The following ZNRF3 variants were observed in gnomAD, a reference collection of about 807,000 sequenced individuals.
The protein encoded by ZNRF3 is zinc and ring finger 3.
Under a neutral mutation model 72.5 loss-of-function variants are expected in ZNRF3, and 23 were observed. The ratio of observed to expected loss-of-function variants is 0.32; its 90% confidence interval spans 0.23 to 0.45. ZNRF3 has a LOEUF of 0.45. ZNRF3 is among the 20% of genes least tolerant of loss of function. The pLI is 1.00. For synonymous variants in ZNRF3, 610 were observed against 545.3 expected (o/e 1.12, Z -1.65); for missense variants, 1,169 against 1,272.1 (o/e 0.92, Z 1.23).
intron 1 of ZNRF3, among the ~76,000 whole-genome samples, chr22:28,918,202 C>T (rs77825078): frequency 3.3e-5 from 5 of 152,184 alleles, no homozygotes; most frequent in African/African-American, 1.2e-4. Context: ...GCCAGCCCAG[C>T]GGCCCTTTTA....
chr22:29,042,266 G>A (rs2036977429), intron 2 of ZNRF3, among the ~76,000 whole-genome samples: 1 of 152,192 alleles, frequency 6.6e-6, no homozygotes, highest in African/African-American at 2.4e-5. Context: ...TGTTGGGAAT[G>A]TCCTTCTCCT....
At chr22:29,051,905 G>GC (rs2037214413) in intron 8 of ZNRF3, among the ~76,000 whole-genome samples, 2 of 149,932 alleles carry the variant, frequency 1.3e-5, no homozygotes, top group African/African-American at 4.9e-5. Flanking sequence ...AAAAACCTAG[G>GC]CCCCATCCCT....
At chr22:28,958,643 GGA>G (rs1253617670) in intron 1 of ZNRF3, among the ~76,000 whole-genome samples, 1 of 152,124 alleles carries the variant, frequency 6.6e-6, no homozygotes, top group Non-Finnish European at 1.5e-5. Context: ...TGCCACTGAC[GGA>G]GAGAGGGTAT....
intron 1 of ZNRF3, among the ~76,000 whole-genome samples, chr22:28,959,754 G>A (rs912293615): frequency 2.0e-5 from 3 of 152,220 alleles, no homozygotes; most frequent in African/African-American, 7.2e-5. Context: ...TCAAGAGGGT[G>A]GGACCTTCAC....
At position 28,989,884 on chromosome 22, in the gene ZNRF3, A is replaced by G. The variant is rs2035924991; in HGVS notation, c.426+2683A>G. On this transcript the variant is annotated intron_variant, in intron 2 of 8. Transcript: ENST00000544604. The stretch of plus-strand genomic sequence containing the variant: ...ATTAAAACACGTAAATGCCTCTCCA[A>G]GAGTTCAAATAAAATTTCATTTTAA... Among the ~76,000 whole-genome samples the G allele has an allele frequency of 2.6e-5, 4 of 152,376 alleles. No individual in the cohort carries two copies. In the South Asian group the frequency reaches 6.2e-4, roughly 24 times the overall value.
chr22:28,909,071 G>T (rs132540), intron 1 of ZNRF3, among the ~76,000 whole-genome samples: 135,524 of 151,438 alleles, frequency 0.89, 61,634 homozygotes, highest in Non-Finnish European at 0.97. Flanking sequence ...AATTTTTTTT[G>T]TGTGTGTGTA....
At chr22:28,918,537 CGTGTGT>C (rs56876101) in intron 1 of ZNRF3, among the ~76,000 whole-genome samples, 73,616 of 148,668 alleles carry the variant, frequency 0.5, 19,562 homozygotes, top group Non-Finnish European at 0.6. Flanking sequence ...TGCATGTGTG[CGTGTGT>C]GTGTGTGTGT....
rs1206858964 is a variant in ZNRF3, at chr22:29,016,023, A to C, written c.427-26472A>C. ...AAGAGTGAAACTGTCTCAAAAAAAA[A>C]AAAAAACAAAAAAACTGAAACTGGC... On this transcript the variant is annotated intron_variant, in intron 2 of 8. Coordinates refer to ENST00000544604, the MANE Select transcript of ZNRF3 (RefSeq NM_001206998.2). 2.1e-5 allele frequency among the ~76,000 whole-genome samples: 3 copies of C among 142,992 alleles called. 1 individual carries two copies. The highest frequency in any genetic ancestry group is 2.0e-4 in the Admixed American group (3 of 14,694). 93.8% of individuals were successfully genotyped at this position (142,992 alleles called of 152,430 possible).
intron 1 of ZNRF3, among the ~76,000 whole-genome samples, chr22:28,960,592 A>G (rs1372840898): frequency 3.9e-5 from 6 of 152,236 alleles, no homozygotes; most frequent in Non-Finnish European, 8.8e-5. Flanking sequence ...CTCTTGGGTC[A>G]TATTGATAGG....
At chr22:28,943,198 T>TC (rs2034980458) in intron 1 of ZNRF3, among the ~76,000 whole-genome samples, 1 of 151,734 alleles carries the variant, frequency 6.6e-6, no homozygotes, top group Non-Finnish European at 1.5e-5. Context: ...CTGTCTCCCC[T>TC]CCCCCGGGGG....
At position 29,053,793 on chromosome 22, in the gene ZNRF3, C is replaced by T. The variant is rs1046231585; in HGVS notation, c.*171C>T. ...ATGTGAGCCCCCTGTGGCAAAACCACCCCCTACCCCATTAACAAATCAACA... is the reference window on the plus strand; with the variant it reads ...ATGTGAGCCCCCTGTGGCAAAACCATCCCCTACCCCATTAACAAATCAACA... On this transcript the variant is annotated 3_prime_UTR_variant, in exon 9 of 9. Transcript: ENST00000544604. 26 of 567,920 alleles carry T rather than the reference C, an allele frequency of 4.6e-5. No homozygotes were observed. The highest frequency in any genetic ancestry group is 1.0e-4 in the Admixed American group (3 of 29,640). 35.2% of individuals were successfully genotyped at this position (567,920 alleles called of 1,614,324 possible).
chr22:29,035,351 C>T (rs764219289), intron 2 of ZNRF3, among the ~76,000 whole-genome samples: 6 of 152,174 alleles, frequency 3.9e-5, no homozygotes, highest in Non-Finnish European at 8.8e-5. Flanking sequence ...GAATACAGCA[C>T]TGTTTATAAC....
chr22:29,051,961 C>G (rs1335151580), intron 8 of ZNRF3, among the ~76,000 whole-genome samples: 5 of 152,022 alleles, frequency 3.3e-5, no homozygotes, highest in Non-Finnish European at 5.9e-5. Flanking sequence ...GCTTCTCAAC[C>G]CGCCTGTGAA....
chr22:29,020,776 G>GTGTGT lies in ZNRF3; in HGVS notation c.427-21719_427-21718insTGTGT, dbSNP rs1569284219. The stretch of plus-strand genomic sequence containing the variant: ...GGGGCTTTGTTTTTGTGTGTGTGTG[G>GTGTGT]GTGTGTGTGTGTGTGTGTGTGTGTG... On this transcript the variant is annotated intron_variant, in intron 2 of 8. Coordinates refer to ENST00000544604, the MANE Select transcript of ZNRF3 (RefSeq NM_001206998.2). Among the ~76,000 whole-genome samples the GTGTGT allele has an allele frequency of 1.3e-3, 108 of 86,154 alleles. 1 individual carries two copies. The highest frequency in any genetic ancestry group is 3.0e-3 in the African/African-American group (97 of 32,624). The allele number at this position is 86,154 out of a possible 152,430, so 56.5% of individuals were successfully genotyped here. A position where few individuals can be genotyped will look rare whatever the true frequency, so the allele number is the denominator to read the frequency against.
chr22:28,922,727 G>C (rs1041574768), intron 1 of ZNRF3, among the ~76,000 whole-genome samples: 1 of 152,186 alleles, frequency 6.6e-6, no homozygotes, highest in Admixed American at 6.5e-5. Flanking sequence ...ACACCTAGCA[G>C]TCCTGGCCCA....
chr22:28,901,378 C>T (rs992317285), intron 1 of ZNRF3, among the ~76,000 whole-genome samples: 5 of 152,128 alleles, frequency 3.3e-5, no homozygotes, highest in African/African-American at 1.2e-4. Context: ...TGAGTTGTTC[C>T]CCCTTCTCTA....
intron 2 of ZNRF3, among the ~76,000 whole-genome samples, chr22:29,014,402 G>A (rs2036398142): frequency 6.6e-6 from 1 of 152,144 alleles, no homozygotes; most frequent in Admixed American, 6.5e-5. Context: ...TGCAGGCTTG[G>A]GTGATGTGAT....
intron 1 of ZNRF3, among the ~76,000 whole-genome samples, chr22:28,888,237 A>G (rs889243572): frequency 2.0e-5 from 3 of 152,220 alleles, no homozygotes; most frequent in African/African-American, 7.2e-5. Context: ...TATCACAGAG[A>G]GTAATTTTAG....
At chr22:28,933,361 C>T (rs2034747817) in intron 1 of ZNRF3, among the ~76,000 whole-genome samples, 2 of 152,144 alleles carry the variant, frequency 1.3e-5, no homozygotes, top group South Asian at 4.1e-4. Flanking sequence ...TTATAAAGAG[C>T]ATTCCTGAGC....
Sources: gnomAD v4.1 joint callset for allele counts (sites outside exome capture counted in the v4.1 genomes callset) on GRCh38, gnomAD v4.1.1 for gene constraint, MANE v1.5 for transcripts, NCBI Gene and HGNC (gene_info 2026-07-23, HGNC 2026-07-21) for gene names.